Variants in PCDHA9 observed in about 807,000 individuals in gnomAD.
PCDHA9 encodes the protein protocadherin alpha-9.
A neutral mutation model predicts 62.0 loss-of-function variants in PCDHA9; 62 were observed. The ratio of observed to expected loss-of-function variants is 1.00; its 90% confidence interval spans 0.81 to 1.23. The LOEUF (loss-of-function observed/expected upper bound fraction) is 1.23. Ranked by LOEUF, PCDHA9 falls within the 50% of genes most tolerant of loss-of-function variation. The pLI is 0.00. For synonymous variants in PCDHA9, 557 were observed against 567.6 expected (o/e 0.98, Z 0.27); for missense variants, 1,205 against 1,249.8 (o/e 0.96, Z 0.54).
intron 1 of PCDHA9, chr5:140,927,266 C>T (rs1554204259): frequency 6.2e-7 from 1 of 1,614,146 alleles, no homozygotes. Flanking sequence ...CCTCTCTTTC[C>T]TGCCGGCGAC....
intron 1 of PCDHA9, chr5:140,876,311 G>A: frequency 1.2e-6 from 2 of 1,613,954 alleles, no homozygotes; most frequent in East Asian, 2.2e-5. Flanking sequence ...ATTTCCTATG[G>A]GATCAAAATG....
Position 141,000,393 on chromosome 5 carries a change from CTCTATA to C in PCDHA9, c.2543-9232_2543-9227del, listed in dbSNP as rs1213195269. 6.1e-3 allele frequency among the ~76,000 whole-genome samples: 322 copies of C among 52,630 alleles called. 2 individuals are homozygous for C. Among genetic ancestry groups the C allele is most frequent in the Admixed American group, 0.01 (36 of 3,506 alleles). 34.5% of individuals were successfully genotyped at this position (52,630 alleles called of 152,430 possible). A position where few individuals can be genotyped will look rare whatever the true frequency, so the allele number is the denominator to read the frequency against. ...TCTCTCTCTCTCTCTCTCTCTCTCT[CTCTATA>C]TATATATATATATATATATATATTT... On this transcript the variant is annotated intron_variant, in intron 3 of 3. Transcript: ENST00000532602.
intron 1 of PCDHA9, among the ~76,000 whole-genome samples, chr5:140,951,536 C>T (rs1260106126): frequency 2.0e-5 from 3 of 151,914 alleles, no homozygotes; most frequent in Admixed American, 6.6e-5. Flanking sequence ...GGTGCAGGAG[C>T]AAGGGACGGG....
At chr5:140,998,130 A>C (rs1226238554) in intron 3 of PCDHA9, among the ~76,000 whole-genome samples, 1 of 152,206 alleles carries the variant, frequency 6.6e-6, no homozygotes, top group Non-Finnish European at 1.5e-5. Context: ...GAATCATAAT[A>C]GCTAACCTGT....
chr5:140,869,572 G>A (rs375272234), intron 1 of PCDHA9: 1 of 1,614,060 alleles, frequency 6.2e-7, no homozygotes, highest in Non-Finnish European at 8.5e-7. Flanking sequence ...ACTAGAGGGA[G>A]CTTCTGATGC....
At chr5:140,983,542 C>A (rs1554245538) in intron 3 of PCDHA9, among the ~76,000 whole-genome samples, 1 of 152,152 alleles carries the variant, frequency 6.6e-6, no homozygotes, top group African/African-American at 2.4e-5. Flanking sequence ...TGTGTGGTCT[C>A]ATTTATTCCT....
chr5:140,894,096 C>T (rs1487747692), intron 1 of PCDHA9, among the ~76,000 whole-genome samples: 3 of 152,098 alleles, frequency 2.0e-5, no homozygotes, highest in African/African-American at 7.2e-5. Flanking sequence ...TCTTCTAGCT[C>T]CTGGTGTTGC....
intron 1 of PCDHA9, among the ~76,000 whole-genome samples, chr5:140,965,377 A>G (rs1479954226): frequency 6.6e-6 from 1 of 152,190 alleles, no homozygotes; most frequent in Non-Finnish European, 1.5e-5. Flanking sequence ...AAACTTGGGG[A>G]CACAGAAGAA....
rs782361286 is a variant in PCDHA9, at chr5:140,876,924, G to T, written c.2394+26035G>T. The T allele has an allele frequency of 4.3e-6, 7 of 1,613,704 alleles. No individual in the cohort carries two copies. The African/African-American group carries it at 5.3e-5, about 12-fold the overall frequency. The stretch of plus-strand genomic sequence containing the variant: ...CGGTGTCGGCATGGGACGCGGACGC[G>T]CAGAAGAACGCGCTGGTGTCCTACT... On this transcript the variant is annotated intron_variant, in intron 1 of 3. Coordinates refer to ENST00000532602, the MANE Select transcript of PCDHA9 (RefSeq NM_031857.2).
chr5:140,949,892 C>G (rs2094430270), intron 1 of PCDHA9, among the ~76,000 whole-genome samples: 1 of 151,674 alleles, frequency 6.6e-6, no homozygotes, highest in African/African-American at 2.4e-5. Context: ...TCCTCAGAAT[C>G]TCTTTTAATT....
intron 1 of PCDHA9, chr5:140,870,111 G>A (rs112749867): frequency 6.8e-6 from 11 of 1,613,880 alleles, no homozygotes; most frequent in Non-Finnish European, 9.3e-6. Flanking sequence ...GTACAGTCTG[G>A]GTGGAAATCT....
chr5:140,931,473 A>G (rs2087545332), intron 1 of PCDHA9, among the ~76,000 whole-genome samples: 1 of 152,066 alleles, frequency 6.6e-6, no homozygotes, highest in Admixed American at 6.6e-5. Flanking sequence ...TGACAGAGGA[A>G]AAAACAACCC....
At position 140,979,027 on chromosome 5, in the gene PCDHA9, T is replaced by C. The variant is rs782016038; in HGVS notation, c.2453+20T>C. ...GCACAGGTATGTATTTCCCTCCTCA[T>C]TCACTCAGAAGTAACCTTAACTTGG... On this transcript the variant is annotated intron_variant, in intron 2 of 3. Coordinates refer to ENST00000532602, the MANE Select transcript of PCDHA9 (RefSeq NM_031857.2). The C allele has an allele frequency of 3.5e-5, 57 of 1,613,492 alleles. No homozygotes were observed. Among genetic ancestry groups the C allele is most frequent in the Non-Finnish European group, 4.4e-5 (52 of 1,179,754 alleles).
In PCDHA9 at chr5:140,936,000, C is replaced by T. The variant is rs370629183; in HGVS notation, c.2395-42949C>T. Among the ~76,000 whole-genome samples, 13 of 150,536 alleles carry T rather than the reference C, an allele frequency of 8.6e-5. No homozygotes were observed. In the East Asian group the frequency reaches 1.6e-3, roughly 18 times the overall value. ...CTCTGCCTCCCGGGTTCAAGCGATT[C>T]TCCCACCTCAGCCTCCCGAGTAGCG... On this transcript the variant is annotated intron_variant, in intron 1 of 3. Coordinates refer to ENST00000532602, the MANE Select transcript of PCDHA9 (RefSeq NM_031857.2).
chr5:140,871,527 G>T lies in PCDHA9; in HGVS notation c.2394+20638G>T, dbSNP rs537927360. ...TTCTACAGATTCCACCTATCAGGAA[G>T]TGTATGTGAAATTATTTAAAATCCA... On this transcript the variant is annotated intron_variant, in intron 1 of 3. Transcript: ENST00000532602. 7 of 1,531,726 alleles carry T rather than the reference G, an allele frequency of 4.6e-6. No individual in the cohort carries two copies. The African/African-American group carries it at 9.7e-5, about 21-fold the overall frequency. The allele number at this position is 1,531,726 out of a possible 1,614,324, so 94.9% of individuals were successfully genotyped here.
At chr5:140,875,903 A>G in intron 1 of PCDHA9, 1 of 1,614,184 alleles carries the variant, frequency 6.2e-7, no homozygotes, top group Non-Finnish European at 8.5e-7. Context: ...CCTGTTTCTG[A>G]ATCTGCGCCT....
intron 1 of PCDHA9, chr5:140,884,458 C>A: frequency 6.2e-7 from 1 of 1,613,736 alleles, no homozygotes; most frequent in Non-Finnish European, 8.5e-7. Flanking sequence ...CCACCGAGGG[C>A]GCGTGCGCGC....
intron 1 of PCDHA9, among the ~76,000 whole-genome samples, chr5:140,896,285 G>T (rs1392495241): frequency 1.3e-5 from 2 of 152,202 alleles, no homozygotes; most frequent in African/African-American, 2.4e-5. Context: ...GGCTTGAATG[G>T]TAAGTTCTTT....
intron 1 of PCDHA9, among the ~76,000 whole-genome samples, chr5:140,974,337 T>TA (rs2096623719): frequency 6.6e-6 from 1 of 152,214 alleles, no homozygotes; most frequent in Admixed American, 6.5e-5. Context: ...GCTAGCAGGC[T>TA]ATGCATCCAG....
Sources: gnomAD v4.1 joint callset for allele counts (sites outside exome capture counted in the v4.1 genomes callset) on GRCh38, gnomAD v4.1.1 for gene constraint, MANE v1.5 for transcripts, NCBI Gene and HGNC (gene_info 2026-07-23, HGNC 2026-07-21) for gene names.